The following UBE2E2 variants were observed in gnomAD, a reference collection of about 807,000 sequenced individuals.
UBE2E2 encodes the protein ubiquitin-conjugating enzyme E2 E2.
UBE2E2 carries 6 observed loss-of-function variants against 24.7 expected under a neutral mutation model. The ratio of observed to expected loss-of-function variants is 0.24; its 90% CI spans 0.13 to 0.48. The LOEUF (loss-of-function observed/expected upper bound fraction) is 0.48. Ranked by LOEUF, UBE2E2 falls within the 20% of genes least tolerant of loss-of-function variation. The pLI, the probability that UBE2E2 is intolerant of heterozygous loss-of-function variation, is 0.99. For synonymous variants in UBE2E2, 104 were observed against 83.6 expected (o/e 1.24, Z -1.33); for missense variants, 169 against 245.0 (o/e 0.69, Z 2.07).
At chr3:23,487,665 G>A (rs1258075901) in intron 3 of UBE2E2, among the ~76,000 whole-genome samples, 1 of 152,168 alleles carries the variant, frequency 6.6e-6, no homozygotes, top group Non-Finnish European at 1.5e-5. Flanking sequence ...ATGGACAACT[G>A]TAACATTAAG....
Position 23,332,482 on chromosome 3 carries a change from T to C in UBE2E2, c.227+115170T>C, listed in dbSNP as rs140204473. Reference sequence around the variant, plus strand: ...TACATGGCAATTATTAAAATAAAGATAAATCACTGGGGAAAAACATTTAAA... The same window carrying C: ...TACATGGCAATTATTAAAATAAAGACAAATCACTGGGGAAAAACATTTAAA... On this transcript the variant is annotated intron_variant, in intron 3 of 5. Transcript: ENST00000396703. Among the ~76,000 whole-genome samples the C allele has an allele frequency of 5.6e-4, 85 of 152,244 alleles. No homozygotes were observed. In the East Asian group the frequency reaches 0.014, roughly 26 times the overall value.
chr3:23,441,558 T>A (rs1429155806), intron 3 of UBE2E2, among the ~76,000 whole-genome samples: 76 of 101,124 alleles, frequency 7.5e-4, no homozygotes, highest in East Asian at 1.9e-3. Flanking sequence ...AAAAAAAGAA[T>A]TGGGTAAGGA....
intron 5 of UBE2E2, among the ~76,000 whole-genome samples, chr3:23,559,502 C>T (rs916690653): frequency 2.6e-5 from 4 of 152,076 alleles, no homozygotes; most frequent in African/African-American, 4.8e-5. Context: ...TTTTCATTTC[C>T]GATTTTAATC....
chr3:23,337,157 A>AAT (rs1559352379), intron 3 of UBE2E2, among the ~76,000 whole-genome samples: 2 of 151,656 alleles, frequency 1.3e-5, no homozygotes, highest in Non-Finnish European at 2.9e-5. Flanking sequence ...AAAAAAAAAA[A>AAT]TTCAGCTGAT....
At chr3:23,433,358 A>G (rs1698109864) in intron 3 of UBE2E2, among the ~76,000 whole-genome samples, 1 of 151,886 alleles carries the variant, frequency 6.6e-6, no homozygotes, top group Admixed American at 6.6e-5. Flanking sequence ...TGTATGTAAA[A>G]CTGAATTTTG....
intron 3 of UBE2E2, among the ~76,000 whole-genome samples, chr3:23,261,706 G>T (rs1697906024): frequency 6.6e-6 from 1 of 152,070 alleles, no homozygotes; most frequent in Non-Finnish European, 1.5e-5. Flanking sequence ...ATTCGTAAGT[G>T]AAATCATACA....
intron 2 of UBE2E2, among the ~76,000 whole-genome samples, chr3:23,216,110 A>C (rs1696469328): frequency 1.3e-5 from 2 of 152,146 alleles, no homozygotes; most frequent in African/African-American, 2.4e-5. Flanking sequence ...CAGGGACTCA[A>C]TTTAATGGCC....
intron 3 of UBE2E2, among the ~76,000 whole-genome samples, chr3:23,230,812 G>A (rs1449699186): frequency 6.6e-6 from 1 of 151,262 alleles, no homozygotes; most frequent in African/African-American, 2.4e-5. Flanking sequence ...AAAAAAAAGA[G>A]TTGGATTTAT....
intron 3 of UBE2E2, among the ~76,000 whole-genome samples, chr3:23,491,364 T>C (rs1699491013): frequency 6.6e-6 from 1 of 152,198 alleles, no homozygotes; most frequent in South Asian, 2.1e-4. Context: ...ATATGTCTTC[T>C]TCCCCCAAAA....
intron 3 of UBE2E2, among the ~76,000 whole-genome samples, chr3:23,494,741 T>G (rs1290281727): frequency 1.3e-5 from 2 of 152,162 alleles, no homozygotes; most frequent in Non-Finnish European, 2.9e-5. Context: ...TTTTTCTTTT[T>G]TTTTTGAGAG....
At position 23,362,585 on chromosome 3, in the gene UBE2E2, A is replaced by G. The variant is rs1051356024; in HGVS notation, c.228-137023A>G. 1.3e-3 allele frequency among the ~76,000 whole-genome samples: 202 copies of G among 152,054 alleles called. 1 individual carries two copies. Among genetic ancestry groups the G allele is most frequent in the African/African-American group, 4.4e-3 (183 of 41,480 alleles). On this transcript the variant is annotated intron_variant, in intron 3 of 5. Coordinates refer to ENST00000396703, the MANE Select transcript of UBE2E2 (RefSeq NM_152653.4). Reference sequence around the variant, plus strand: ...ACTCGGACAGAGGTCCTGGCTTGCTATTGTCCCAGGAAGGACCCAGATGGC... The same window carrying G: ...ACTCGGACAGAGGTCCTGGCTTGCTGTTGTCCCAGGAAGGACCCAGATGGC...
At chr3:23,565,261 G>C (rs1235082898) in intron 5 of UBE2E2, among the ~76,000 whole-genome samples, 1 of 152,020 alleles carries the variant, frequency 6.6e-6, no homozygotes, top group African/African-American at 2.4e-5. Context: ...AGGGGAAATA[G>C]GTCCCGGAAT....
intron 3 of UBE2E2, among the ~76,000 whole-genome samples, chr3:23,304,501 A>G (rs1369258689): frequency 6.6e-6 from 1 of 152,184 alleles, no homozygotes; most frequent in Non-Finnish European, 1.5e-5. Flanking sequence ...AATCTTGAAA[A>G]GAGTGGCCTT....
chr3:23,575,999 G>A (rs866539896), intron 5 of UBE2E2, among the ~76,000 whole-genome samples: 1 of 152,090 alleles, frequency 6.6e-6, no homozygotes, highest in Non-Finnish European at 1.5e-5. Flanking sequence ...ATGTCTGTGC[G>A]ATTTCTATTT....
At chr3:23,462,438 A>G (rs924959240) in intron 3 of UBE2E2, among the ~76,000 whole-genome samples, 1 of 152,202 alleles carries the variant, frequency 6.6e-6, no homozygotes, top group African/African-American at 2.4e-5. Context: ...GATAGTGTTC[A>G]TCAGTCTTCA....
chr3:23,298,314 C>A (rs1351058336), intron 3 of UBE2E2, among the ~76,000 whole-genome samples: 2 of 151,766 alleles, frequency 1.3e-5, no homozygotes, highest in African/African-American at 4.8e-5. Flanking sequence ...GCCAGAACTT[C>A]CAACACTATG....
Position 23,315,364 on chromosome 3 carries a change from A to G in UBE2E2, c.227+98052A>G, listed in dbSNP as rs971166166. On this transcript the variant is annotated intron_variant, in intron 3 of 5. Transcript: ENST00000396703. ...AAAATTTTCAAATAGCCTGTCTTCA[A>G]GCTCACCAAATCTTGCTTTTGCTTG... 2.6e-4 allele frequency among the ~76,000 whole-genome samples: 40 copies of G among 150,992 alleles called. 1 individual carries two copies. Among genetic ancestry groups the G allele is most frequent in the African/African-American group, 9.0e-4 (37 of 41,004 alleles).
chr3:23,320,278 A>G (rs113118157), intron 3 of UBE2E2, among the ~76,000 whole-genome samples: 1 of 152,182 alleles, frequency 6.6e-6, no homozygotes, highest in Non-Finnish European at 1.5e-5. Flanking sequence ...CTCCAACTGG[A>G]TGTGCTTAAG....
intron 4 of UBE2E2, among the ~76,000 whole-genome samples, chr3:23,507,242 C>G (rs2125461933): frequency 6.6e-6 from 1 of 152,292 alleles, no homozygotes; most frequent in South Asian, 2.1e-4. Flanking sequence ...ATGACAAATT[C>G]CAACCTCCTT....
Sources: gnomAD v4.1 joint callset for allele counts (sites outside exome capture counted in the v4.1 genomes callset) on GRCh38, gnomAD v4.1.1 for gene constraint, MANE v1.5 for transcripts, NCBI Gene and HGNC (gene_info 2026-07-23, HGNC 2026-07-21) for gene names.